TAFA2: variants seen among roughly 807,000 people sequenced by gnomAD.
TAFA2 encodes TAFA chemokine like family member 2, also known as chemokine-like protein TAFA-2.
Under a neutral mutation model 18.8 loss-of-function variants are expected in TAFA2, and 7 were observed. That is an observed-to-expected ratio of 0.37 (90% CI 0.21 to 0.70). TAFA2 has a LOEUF of 0.70. TAFA2 is among the 30% of genes least tolerant of loss of function. The probability of loss-of-function intolerance (pLI) is 0.53; values close to 1 mark genes in which losing one functional copy is unlikely to be tolerated. For synonymous variants in TAFA2, 60 were observed against 54.2 expected (o/e 1.11, Z -0.47); for missense variants, 122 against 158.1 (o/e 0.77, Z 1.23).
chr12:61,926,091 G>C (rs548293322), intron 1 of TAFA2, among the ~76,000 whole-genome samples: 1 of 152,230 alleles, frequency 6.6e-6, no homozygotes. Flanking sequence ...AAATAAACTA[G>C]AAAATCTAGA....
chr12:61,931,057 A>G (rs1392065643), intron 1 of TAFA2, among the ~76,000 whole-genome samples: 2 of 152,238 alleles, frequency 1.3e-5, no homozygotes, highest in African/African-American at 2.4e-5. Flanking sequence ...GACATGCCAT[A>G]TAGCTAAAGA....
chr12:61,779,858 T>C (rs1870429117), intron 2 of TAFA2, among the ~76,000 whole-genome samples: 1 of 151,792 alleles, frequency 6.6e-6, no homozygotes, highest in Non-Finnish European at 1.5e-5. Flanking sequence ...CTATGGTGTC[T>C]TCTTACTGGA....
At chr12:61,824,908 T>TA in intron 2 of TAFA2, among the ~76,000 whole-genome samples, 1 of 152,088 alleles carries the variant, frequency 6.6e-6, no homozygotes, top group Admixed American at 6.6e-5. Flanking sequence ...TCTTAAAGGA[T>TA]CACAGTTTCA....
At chr12:62,169,900 T>C (rs2062465538) in intron 1 of TAFA2, among the ~76,000 whole-genome samples, 1 of 151,892 alleles carries the variant, frequency 6.6e-6, no homozygotes, top group African/African-American at 2.4e-5. Flanking sequence ...GCAGGTCTTC[T>C]TTAATAAATG....
At chr12:61,754,814 T>A in intron 3 of TAFA2, 58 bp downstream of exon 3, 1 of 1,575,228 alleles carries the variant, frequency 6.3e-7, no homozygotes, top group Admixed American at 1.7e-5. Context: ...ATAGTGGGGT[T>A]CTAGTTCTAA....
intron 1 of TAFA2, chr12:62,022,173 TA>T: frequency 2.6e-6 from 1 of 383,988 alleles, no homozygotes; most frequent in Non-Finnish European, 5.3e-6. Flanking sequence ...CTGGTTGGTG[TA>T]AAGGAAAGGC....
At chr12:62,177,572 C>T (rs1269410918) in intron 1 of TAFA2, among the ~76,000 whole-genome samples, 3 of 152,236 alleles carry the variant, frequency 2.0e-5, no homozygotes, top group East Asian at 3.9e-4. Context: ...GTATTTAAGC[C>T]GTAATTCTGT....
intron 1 of TAFA2, among the ~76,000 whole-genome samples, chr12:61,939,968 T>C (rs851909): frequency 0.049 from 7,430 of 152,312 alleles, 364 homozygotes; most frequent in African/African-American, 0.13. Flanking sequence ...AGTGTTGTCT[T>C]ACTCAGCTTC....
Position 62,000,330 on chromosome 12 carries a change from C to T in TAFA2, c.-1-132904G>A, listed in dbSNP as rs1239629694. Among the ~76,000 whole-genome samples, 3 of 146,108 alleles carry T rather than the reference C, an allele frequency of 2.1e-5. 1 individual carries two copies. Among genetic ancestry groups the T allele is most frequent in the Admixed American group, 7.4e-5 (1 of 13,556 alleles). On this transcript the variant is annotated intron_variant, in intron 1 of 4. Transcript: ENST00000416284. ...TTTTCTTAATTCCCTGCCATACTTT[C>T]CAGCACATAGTAGTTGGCAAATACC...
At chr12:61,909,713 T>A (rs935307164) in intron 1 of TAFA2, among the ~76,000 whole-genome samples, 1 of 152,046 alleles carries the variant, frequency 6.6e-6, no homozygotes, top group Non-Finnish European at 1.5e-5. Context: ...AAACCAGGAA[T>A]TGAGAGTGGT....
chr12:61,728,030 TTG>T (rs1451304532), intron 4 of TAFA2, among the ~76,000 whole-genome samples: 3 of 105,404 alleles, frequency 2.8e-5, no homozygotes, highest in African/African-American at 9.3e-5. Flanking sequence ...CTTTTGAGGG[TTG>T]TTTTTTTTTT....
intron 2 of TAFA2, among the ~76,000 whole-genome samples, chr12:61,823,325 A>AC (rs2121058371): frequency 6.6e-6 from 1 of 152,206 alleles, no homozygotes; most frequent in Non-Finnish European, 1.5e-5. Flanking sequence ...GCCACGAGCC[A>AC]CCGCACCCAG....
At chr12:62,050,028 G>A (rs1264827847) in intron 1 of TAFA2, among the ~76,000 whole-genome samples, 1 of 152,168 alleles carries the variant, frequency 6.6e-6, no homozygotes, top group African/African-American at 2.4e-5. Context: ...CCAGACTAAT[G>A]CTGACTAGAG....
chr12:62,208,538 T>C (rs551135435), intron 1 of TAFA2, among the ~76,000 whole-genome samples: 1 of 152,140 alleles, frequency 6.6e-6, no homozygotes, highest in Non-Finnish European at 1.5e-5. Flanking sequence ...TGCAACTTGG[T>C]AGGCAGCAAG....
At chr12:61,885,017 T>G (rs1030235508) in intron 1 of TAFA2, among the ~76,000 whole-genome samples, 1 of 152,190 alleles carries the variant, frequency 6.6e-6, no homozygotes, top group African/African-American at 2.4e-5. Context: ...GTAGGAAGCA[T>G]CTAAATTTAG....
intron 2 of TAFA2, among the ~76,000 whole-genome samples, chr12:61,765,019 C>A (rs1005162984): frequency 1.3e-5 from 2 of 152,046 alleles, no homozygotes; most frequent in Non-Finnish European, 2.9e-5. Context: ...AGGTTCAAGT[C>A]CCAGCTTTAG....
rs114855812 is a variant in TAFA2 at position 62,058,329 on chromosome 12, C to T, written c.-2+132930G>A. On this transcript the variant is annotated intron_variant, in intron 1 of 4. Transcript: ENST00000416284. ...CTTTCATCAATTTTGGAAATTCCCA[C>T]TCTTCAAAATTTGCTTCTCCCTCAT... Among the ~76,000 whole-genome samples the T allele has an allele frequency of 3.9e-3, 599 of 152,266 alleles. 6 individuals are homozygous for T. The highest frequency in any genetic ancestry group is 0.014 in the African/African-American group (570 of 41,538).
chr12:61,847,297 G>T (rs530082837), intron 2 of TAFA2, among the ~76,000 whole-genome samples: 1 of 152,292 alleles, frequency 6.6e-6, no homozygotes, highest in South Asian at 2.1e-4. Context: ...TAGTTGAGGA[G>T]TTCCTTGACA....
At chr12:62,187,987 C>T (rs1034531444) in intron 1 of TAFA2, among the ~76,000 whole-genome samples, 2 of 152,124 alleles carry the variant, frequency 1.3e-5, no homozygotes, top group Admixed American at 6.5e-5. Context: ...TATTACATGG[C>T]ATTATAAAAT....
Sources: allele counts gnomAD v4.1 joint callset (sites outside exome capture counted in the v4.1 genomes callset), GRCh38; gene constraint gnomAD v4.1.1; transcripts MANE v1.5; gene names NCBI Gene and HGNC (gene_info 2026-07-23, HGNC 2026-07-21).